Variants in CTNNA2 observed in about 807,000 individuals in gnomAD.
The protein encoded by CTNNA2 is catenin alpha-2.
CTNNA2 carries 42 observed loss-of-function variants against 101.0 expected under a neutral mutation model. That is an observed-to-expected ratio of 0.42 (90% CI 0.32 to 0.54). CTNNA2 has a LOEUF of 0.54. Among genes scored for constraint, CTNNA2 ranks in the 20% least tolerant of loss-of-function variants. CTNNA2 has a pLI of 0.14. For missense variants in CTNNA2, 871 were observed against 1,223.1 expected, an observed-to-expected ratio of 0.71 and a Z score of 4.29; for synonymous variants, 450 against 456.4, an observed-to-expected ratio of 0.99 and a Z score of 0.18.
At chr2:79,878,913 G>A (rs1683218850) in intron 6 of CTNNA2, among the ~76,000 whole-genome samples, 2 of 152,120 alleles carry the variant, frequency 1.3e-5, no homozygotes, top group Admixed American at 1.3e-4. Flanking sequence ...TTTCCTGAAT[G>A]GTATTGCCTA....
intron 12 of CTNNA2, chr2:80,572,903 C>A (rs1383671662): frequency 6.6e-6 from 1 of 152,222 alleles, no homozygotes; most frequent in African/African-American, 2.4e-5. Flanking sequence ...TTTCCTCTAA[C>A]CCTGCTGTCT....
chr2:80,512,425 G>A (rs1688779963), intron 9 of CTNNA2, among the ~76,000 whole-genome samples: 1 of 152,104 alleles, frequency 6.6e-6, no homozygotes, highest in Non-Finnish European at 1.5e-5. Flanking sequence ...GACTCTGGCT[G>A]TGTAGGTTTA....
intron 7 of CTNNA2, among the ~76,000 whole-genome samples, chr2:80,376,254 A>G (rs574559183): frequency 6.6e-6 from 1 of 152,180 alleles, no homozygotes; most frequent in Non-Finnish European, 1.5e-5. Context: ...TAACTCTTTA[A>G]GTTTTCTTCT....
intron 3 of CTNNA2, among the ~76,000 whole-genome samples, chr2:79,853,828 C>T (rs1427811613): frequency 6.6e-6 from 1 of 152,032 alleles, no homozygotes; most frequent in Non-Finnish European, 1.5e-5. Flanking sequence ...GCCACCATGC[C>T]TGGCTAATTT....
At chr2:79,287,569 G>A (rs1172600738) in intron 2 of CTNNA2, among the ~76,000 whole-genome samples, 1 of 148,990 alleles carries the variant, frequency 6.7e-6, no homozygotes, top group East Asian at 2.0e-4. Flanking sequence ...GGCTGCTCAG[G>A]GGTCAGGGAC....
chr2:80,304,137 A>C, intron 7 of CTNNA2: 1 of 270,016 alleles, frequency 3.7e-6, no homozygotes, highest in Non-Finnish European at 6.9e-6. Flanking sequence ...TTTAATTAAA[A>C]AGTGTCTTAC....
At position 79,855,291 on chromosome 2, in the gene CTNNA2, C is replaced by T. The variant is rs138833710; in HGVS notation, c.299-2722C>T. 2.2e-3 allele frequency among the ~76,000 whole-genome samples: 340 copies of T among 152,156 alleles called. 1 individual carries two copies. The highest frequency in any genetic ancestry group is 7.8e-3 in the African/African-American group (322 of 41,514). ...GCTGAGCCACTCTTGGGGTGCCTGCCGTGGGCCCCAGGTTGATTAGCTCCA... is the reference window on the plus strand; with the variant it reads ...GCTGAGCCACTCTTGGGGTGCCTGCTGTGGGCCCCAGGTTGATTAGCTCCA... On this transcript the variant is annotated intron_variant, in intron 3 of 18. Transcript: ENST00000402739.
At chr2:80,033,164 AAAC>A (rs1213864836) in intron 7 of CTNNA2, among the ~76,000 whole-genome samples, 7 of 151,528 alleles carry the variant, frequency 4.6e-5, no homozygotes, top group East Asian at 1.9e-4. Flanking sequence ...AAAAAAAAAA[AAAC>A]AAACACACAA....
intron 4 of CTNNA2, among the ~76,000 whole-genome samples, chr2:79,433,311 A>G (rs1678676202): frequency 6.6e-6 from 1 of 152,202 alleles, no homozygotes; most frequent in South Asian, 2.1e-4. Flanking sequence ...TGAGCTCCAC[A>G]TGGACAATTC....
chr2:80,643,321 G>GCTA (rs1673691145), intron 18 of CTNNA2, among the ~76,000 whole-genome samples: 1 of 152,144 alleles, frequency 6.6e-6, no homozygotes, highest in Non-Finnish European at 1.5e-5. Context: ...CATGTTAGCA[G>GCTA]TGTGATAATG....
intron 3 of CTNNA2, among the ~76,000 whole-genome samples, chr2:79,778,014 C>G (rs1004935821): frequency 6.6e-6 from 1 of 151,254 alleles, no homozygotes; most frequent in East Asian, 2.0e-4. Flanking sequence ...AATAGTTGTG[C>G]CTCATCCTTC....
intron 4 of CTNNA2, among the ~76,000 whole-genome samples, chr2:79,388,626 T>A (rs775960289): frequency 8.5e-5 from 13 of 152,182 alleles, no homozygotes; most frequent in Non-Finnish European, 1.9e-4. Flanking sequence ...TTCTTCTACC[T>A]CTGCCCTCCT....
intron 3 of CTNNA2, among the ~76,000 whole-genome samples, chr2:79,851,275 G>T (rs1284721154): frequency 6.6e-6 from 1 of 152,202 alleles, no homozygotes; most frequent in East Asian, 1.9e-4. Flanking sequence ...CTTTGAAAAT[G>T]AGCTGACCAG....
chr2:79,889,850 C>T (rs1483528178), intron 6 of CTNNA2, among the ~76,000 whole-genome samples: 1 of 152,124 alleles, frequency 6.6e-6, no homozygotes, highest in Admixed American at 6.5e-5. Flanking sequence ...ATGTCATTTG[C>T]TCTCCCTTGC....
At chr2:79,719,777 G>A (rs1358884357) in intron 2 of CTNNA2, among the ~76,000 whole-genome samples, 1 of 151,804 alleles carries the variant, frequency 6.6e-6, no homozygotes, top group Non-Finnish European at 1.5e-5. Flanking sequence ...ACTTCCTTAT[G>A]TATTCTGGAT....
In CTNNA2 at chr2:80,481,764, A is replaced by G. The variant is rs1220983810; in HGVS notation, c.1290+62163A>G. The stretch of plus-strand genomic sequence containing the variant: ...GCTTTGCAGCCTCTATGGATCACGG[A>G]TTATAATTAAGAACCAAGGTTTAAT... On this transcript the variant is annotated intron_variant, in intron 9 of 18. Coordinates refer to ENST00000402739, the MANE Select transcript of CTNNA2 (RefSeq NM_001282597.3). Among the ~76,000 whole-genome samples the G allele has an allele frequency of 3.3e-5, 5 of 152,140 alleles. No homozygotes were observed. In the East Asian group the frequency reaches 7.7e-4, roughly 23 times the overall value.
At chr2:79,883,425 T>C (rs1683598680) in intron 6 of CTNNA2, among the ~76,000 whole-genome samples, 1 of 152,146 alleles carries the variant, frequency 6.6e-6, no homozygotes. Context: ...AGCAGTATTT[T>C]AACAACTTGC....
intron 2 of CTNNA2, among the ~76,000 whole-genome samples, chr2:79,681,111 A>G (rs1274578963): frequency 6.6e-6 from 1 of 152,162 alleles, no homozygotes; most frequent in African/African-American, 2.4e-5. Flanking sequence ...GTTAAGATCA[A>G]GCCACTGCAC....
At chr2:80,290,679 A>C (rs574541666) in intron 7 of CTNNA2, among the ~76,000 whole-genome samples, 1 of 152,094 alleles carries the variant, frequency 6.6e-6, no homozygotes, top group Non-Finnish European at 1.5e-5. Flanking sequence ...CTATATGTAT[A>C]TCTGTGGTTT....
Sources: gnomAD v4.1 joint callset for allele counts (sites outside exome capture counted in the v4.1 genomes callset) on GRCh38, gnomAD v4.1.1 for gene constraint, MANE v1.5 for transcripts, NCBI Gene and HGNC (gene_info 2026-07-23, HGNC 2026-07-21) for gene names.